SHD: variants seen among roughly 807,000 people sequenced by gnomAD.
The protein encoded by SHD is SH2 domain-containing adapter protein D.
In SHD, 29 loss-of-function variants were observed where a neutral mutation model predicts 31.2. That is an observed-to-expected ratio of 0.93 (90% CI 0.69 to 1.27). SHD has a LOEUF of 1.27. Among genes scored for constraint, SHD ranks in the 50% most tolerant of loss-of-function variants. The pLI, the probability that SHD is intolerant of heterozygous loss-of-function variation, is 0.00. For missense variants in SHD, 520 were observed against 453.8 expected (o/e 1.15, Z -1.33); for synonymous variants, 208 against 187.8 (o/e 1.11, Z -0.88).
At chr19:4,286,714 A>T (rs906094271) in intron 4 of SHD, among the ~76,000 whole-genome samples, 7 of 151,132 alleles carry the variant, frequency 4.6e-5, no homozygotes, top group African/African-American at 1.7e-4. Context: ...CCTGGCCAAC[A>T]TGGTGAAACT....
intron 1 of SHD, among the ~76,000 whole-genome samples, chr19:4,280,786 C>G (rs535335639): frequency 6.6e-6 from 1 of 152,110 alleles, no homozygotes; most frequent in African/African-American, 2.4e-5. Flanking sequence ...CTCTGCCTCC[C>G]GAAGTGCTGG....
At chr19:4,282,191 G>A (rs537340906) in intron 1 of SHD, among the ~76,000 whole-genome samples, 23 of 152,068 alleles carry the variant, frequency 1.5e-4, no homozygotes, top group African/African-American at 4.1e-4. Context: ...AGGCTGAAGC[G>A]GGCGGATCAT....
At chr19:4,280,523 TC>T (rs745981922) in intron 1 of SHD, among the ~76,000 whole-genome samples, 163 bp downstream of exon 1, 4 of 152,060 alleles carry the variant, frequency 2.6e-5, no homozygotes, top group Non-Finnish European at 5.9e-5. Context: ...GGAAGTCTGT[TC>T]TTTTTATGTA....
Position 4,282,875 on chromosome 19 carries a change from A to G in SHD, c.303A>G (p.Glu101=), listed in dbSNP as rs1971270329. ...CCCCTTCCTTCTCTCCGCAGCTGGAAGCCGACACTGAGTATTTAGACCCCT... is the reference window on the plus strand; with the variant it reads ...CCCCTTCCTTCTCTCCGCAGCTGGAGGCCGACACTGAGTATTTAGACCCCT... ...ALLGGPGEEL[E]ADTEYLDPFD... is the part of the protein sequence containing the mutation. Residue 101 remains glutamate, a synonymous_variant, in exon 2 of 6, where the codon GAA becomes GAG. Transcript: ENST00000543264. 1.9e-6 allele frequency: 3 copies of G among 1,613,914 alleles called. No homozygotes were observed. The highest frequency in any genetic ancestry group is 2.5e-6 in the Non-Finnish European group (3 of 1,179,956).
intron 4 of SHD, among the ~76,000 whole-genome samples, chr19:4,285,482 TG>T (rs1971299298): frequency 6.6e-6 from 1 of 152,114 alleles, no homozygotes; most frequent in South Asian, 2.1e-4. Flanking sequence ...ATCTCTTCGG[TG>T]GGCAATACAG....
At chr19:4,282,093 G>T (rs1043919070) in intron 1 of SHD, among the ~76,000 whole-genome samples, 14 of 152,084 alleles carry the variant, frequency 9.2e-5, no homozygotes, top group Admixed American at 2.6e-4. Context: ...GAGCACTTTT[G>T]GGTAACAGAC....
chr19:4,280,947 C>G (rs1198139440), intron 1 of SHD, among the ~76,000 whole-genome samples: 1 of 152,008 alleles, frequency 6.6e-6, no homozygotes, highest in Non-Finnish European at 1.5e-5. Flanking sequence ...CAGCCCCCTC[C>G]CCTCAGCACC....
chr19:4,280,101 G>A lies in SHD; in HGVS notation c.38G>A (p.Gly13Asp). The change falls in exon 1 of 6, where the codon GGT (glycine) becomes GAT (aspartate). Residue 13 changes from glycine to aspartate, a missense_variant. By Grantham distance (94) the Gly-to-Asp change is moderately conservative. Transcript: ENST00000543264. ...CTACGGGACTACCTGAGCTTTGGGG[G>A]TCGGAGGCCCCCTCCGCAGCCGCCC... ...KWLRDYLSFG[G>D]RRPPPQPPTP... The A allele has an allele frequency of 1.2e-6, 2 of 1,612,208 alleles. No individual in the cohort carries two copies. The highest frequency in any genetic ancestry group is 1.7e-6 in the Non-Finnish European group (2 of 1,179,384).
Position 4,283,205 on chromosome 19 carries a change from G to C in SHD, c.555G>C (p.Trp185Cys), listed in dbSNP as rs1317230689. 6 of 1,614,030 alleles carry C rather than the reference G, an allele frequency of 3.7e-6. No individual in the cohort carries two copies. The highest frequency in any genetic ancestry group is 4.2e-6 in the Non-Finnish European group (5 of 1,179,950). ...CAGCAGATGAGTATGATCAGCCCTG[G>C]GAGTGGAAGAAAGACCACATCTCCA... Reference protein sequence around the residue: ...ERPADEYDQPWEWKKDHISRA... With the variant: ...ERPADEYDQPCEWKKDHISRA... The change falls in exon 3 of 6, where the codon TGG becomes TGC. Residue 185 changes from tryptophan (W) to cysteine (C), a missense_variant. Physicochemically the swap from Trp to Cys is radical, Grantham distance 215 (BLOSUM62 -2). Coordinates refer to ENST00000543264, the MANE Select transcript of SHD (RefSeq NM_020209.4).
At chr19:4,288,004 C>T (rs1971338125) in intron 4 of SHD, among the ~76,000 whole-genome samples, 1 of 151,890 alleles carries the variant, frequency 6.6e-6, no homozygotes, top group Non-Finnish European at 1.5e-5. Context: ...CTGGTTCAAG[C>T]AATTTCCCTA....
chr19:4,284,249 C>T (rs531716612), intron 3 of SHD, among the ~76,000 whole-genome samples: 1 of 152,134 alleles, frequency 6.6e-6, no homozygotes, highest in South Asian at 2.1e-4. Context: ...TGCGGTGAGC[C>T]AAGATCGTGC....
At chr19:4,285,750 ATGTTGGCCAGGCTGGTCTGGAACTCC>A (rs1167536440) in intron 4 of SHD, among the ~76,000 whole-genome samples, 1 of 151,746 alleles carries the variant, frequency 6.6e-6, no homozygotes, top group Non-Finnish European at 1.5e-5. Flanking sequence ...GAGTTTCAGT[ATGTTGGCCAGGCTGGTCTGGAACTCC>A]TGACCTCATG....
chr19:4,279,351 G>T lies in SHD; in HGVS notation c.-713G>T, dbSNP rs1245040502. 6.6e-6 allele frequency: 1 copy of T among 152,378 alleles called. No homozygotes were observed. Among genetic ancestry groups the T allele is most frequent in the Non-Finnish European group, 1.5e-5 (1 of 68,182 alleles). 9.4% of individuals were successfully genotyped at this position (152,378 alleles called of 1,614,324 possible). A position where few individuals can be genotyped will look rare whatever the true frequency, so the allele number is the denominator to read the frequency against. ...CCTCCCCAGCGTCCCACCTCCCGGC[G>T]GCGGCGGGGAAAGTCTCTCCGAAAG... On this transcript the variant is annotated 5_prime_UTR_variant, in exon 1 of 6. Coordinates refer to ENST00000543264, the MANE Select transcript of SHD (RefSeq NM_020209.4). The surrounding 1 kb of genome is among the most constrained non-coding windows in gnomAD (Gnocchi z 7.5).
rs1346179062 is a variant in SHD, at chr19:4,280,341, T to C, written c.278T>C (p.Leu93Pro). ...GATATGGCCAGAGCCAAGGCCCTTCTGGGCGGCCCCGGGGAGGAGGTGCGT... is the reference window on the plus strand; with the variant it reads ...GATATGGCCAGAGCCAAGGCCCTTCCGGGCGGCCCCGGGGAGGAGGTGCGT... ...AADMARAKAL[L>P]GGPGEELEAD... The change falls in exon 1 of 6, where the codon CTG becomes CCG. Residue 93 changes from leucine (L) to proline (P), a missense_variant. Leu to Pro is a moderately conservative substitution (Grantham distance 98, BLOSUM62 -3). Transcript: ENST00000543264. 1 of 1,580,238 alleles carries C rather than the reference T, an allele frequency of 6.3e-7. No individual in the cohort carries two copies. The highest frequency in any genetic ancestry group is 2.3e-5 in the East Asian group (1 of 42,890).
intron 5 of SHD, among the ~76,000 whole-genome samples, chr19:4,288,941 G>C (rs988606071): frequency 6.6e-6 from 1 of 151,920 alleles, no homozygotes; most frequent in African/African-American, 2.4e-5. Flanking sequence ...TTCGAGACCA[G>C]CCTGGCCAAC....
At chr19:4,281,475 A>AT (rs1555727243) in intron 1 of SHD, among the ~76,000 whole-genome samples, 2 of 109,828 alleles carry the variant, frequency 1.8e-5, no homozygotes, top group African/African-American at 6.6e-5. Flanking sequence ...AAAAAAAAAA[A>AT]GGCTGGGTGT....
At chr19:4,283,795 G>A (rs1272498195) in intron 3 of SHD, among the ~76,000 whole-genome samples, 1 of 150,926 alleles carries the variant, frequency 6.6e-6, no homozygotes, top group Non-Finnish European at 1.5e-5. Context: ...AGCCAGGATG[G>A]TCTCGATCTT....
At chr19:4,289,794 A>G (rs977103101) in intron 5 of SHD, among the ~76,000 whole-genome samples, 5 of 149,372 alleles carry the variant, frequency 3.3e-5, no homozygotes, top group Admixed American at 6.7e-5. Flanking sequence ...GATGGTCTCC[A>G]TCTCCTGACC....
chr19:4,290,495 C>T lies in SHD; in HGVS notation c.885C>T (p.Asn295=), dbSNP rs148238664. 161 of 1,613,562 alleles carry T rather than the reference C, an allele frequency of 1.0e-4. No individual in the cohort carries two copies. The African/African-American group carries it at 1.9e-3, about 19-fold the overall frequency. ...TGAAGTTCGCGCGGACCCGTGAGAA[C>T]CAGGTGGTGCTGGGCCAACACAGCG... ...LHLKFARTRE[N]QVVLGQHSGP... is the part of the protein sequence containing the mutation. Residue 295 remains asparagine (N), a synonymous_variant, in exon 6 of 6, where the codon AAC becomes AAT. Coordinates refer to ENST00000543264, the MANE Select transcript of SHD (RefSeq NM_020209.4).
Sources: allele counts gnomAD v4.1 joint callset (sites outside exome capture counted in the v4.1 genomes callset), GRCh38; gene constraint gnomAD v4.1.1; non-coding constraint Gnocchi (gnomAD v3.1); transcripts MANE v1.5; gene names NCBI Gene and HGNC (gene_info 2026-07-23, HGNC 2026-07-21).